Variants in N4BP2L2 observed in about 807,000 individuals in gnomAD.
N4BP2L2 encodes NEDD4-binding protein 2-like 2.
N4BP2L2 carries 50 observed loss-of-function variants against 56.2 expected under a neutral mutation model. That is an observed-to-expected ratio of 0.89 (90% CI 0.71 to 1.13). The LOEUF (loss-of-function observed/expected upper bound fraction) is 1.13, where lower values mean the gene tolerates loss of function less well. N4BP2L2 is among the 50% of genes most tolerant of loss of function. N4BP2L2 has a pLI of 0.00. For missense variants in N4BP2L2, 689 were observed against 693.8 expected (o/e 0.99, Z 0.08); for synonymous variants, 203 against 223.6 (o/e 0.91, Z 0.82).
At chr13:32,493,326 G>A (rs566124991) in intron 6 of N4BP2L2, among the ~76,000 whole-genome samples, 1 of 151,962 alleles carries the variant, frequency 6.6e-6, no homozygotes, top group East Asian at 1.9e-4. Context: ...ATCTATTTGT[G>A]TATCATTATG....
At chr13:32,438,079 T>C (rs115864047) in intron 8 of N4BP2L2, among the ~76,000 whole-genome samples, 133 of 152,380 alleles carry the variant, frequency 8.7e-4, no homozygotes, top group African/African-American at 3.1e-3. Context: ...CAAATCATGG[T>C]AATCAGCATA....
At chr13:32,487,497 G>GA (rs975318574) in intron 6 of N4BP2L2, among the ~76,000 whole-genome samples, 60 of 148,560 alleles carry the variant, frequency 4.0e-4, no homozygotes, top group African/African-American at 1.4e-3. Context: ...AAAAAGAAAA[G>GA]AAAAAAAAGT....
At chr13:32,466,695 TGACTTCCTTTAG>T (rs1319162391) in intron 6 of N4BP2L2, among the ~76,000 whole-genome samples, 1 of 152,192 alleles carries the variant, frequency 6.6e-6, no homozygotes, top group African/African-American at 2.4e-5. Context: ...CTCAAGATAG[TGACTTCCTTTAG>T]GAAAAAAGGA....
chr13:32,441,939 G>C (rs983928722), intron 7 of N4BP2L2, among the ~76,000 whole-genome samples: 3 of 151,666 alleles, frequency 2.0e-5, no homozygotes, highest in Admixed American at 2.0e-4. Context: ...AGCCGGGCGT[G>C]GTGGCGGGCG....
chr13:32,517,338 A>G, exon 6 of N4BP2L2: 1 of 986,526 alleles, frequency 1.0e-6, no homozygotes, highest in African/African-American at 1.7e-5. Flanking sequence ...CAGCTGAAAT[A>G]TAATTTTACC....
exon 6 of N4BP2L2, chr13:32,517,647 C>T: frequency 1.4e-6 from 2 of 1,409,914 alleles, no homozygotes; most frequent in African/African-American, 1.4e-5. Flanking sequence ...TTTATTTACA[C>T]TTTAACAACT....
chr13:32,526,169 T>C (rs1351824082), intron 3 of N4BP2L2, among the ~76,000 whole-genome samples: 1 of 152,224 alleles, frequency 6.6e-6, no homozygotes, highest in African/African-American at 2.4e-5. Flanking sequence ...TGTGGAACTT[T>C]CTACAGGACA....
At chr13:32,469,449 C>T (rs2081888623) in intron 6 of N4BP2L2, among the ~76,000 whole-genome samples, 1 of 152,108 alleles carries the variant, frequency 6.6e-6, no homozygotes, top group Non-Finnish European at 1.5e-5. Flanking sequence ...ATGAGCAGGA[C>T]ATGCATGCCC....
intron 2 of N4BP2L2, among the ~76,000 whole-genome samples, chr13:32,534,437 C>G (rs2055958773): frequency 6.6e-6 from 1 of 152,104 alleles, no homozygotes; most frequent in Non-Finnish European, 1.5e-5. Context: ...TATCCAGTTT[C>G]CAAATTTCAG....
chr13:32,532,446 GC>G (rs1566189215), intron 2 of N4BP2L2, among the ~76,000 whole-genome samples: 1 of 151,842 alleles, frequency 6.6e-6, no homozygotes, highest in Non-Finnish European at 1.5e-5. Context: ...TAAGATAGGG[GC>G]TTTAAATATT....
At chr13:32,476,247 T>C (rs2083298332) in intron 6 of N4BP2L2, among the ~76,000 whole-genome samples, 1 of 152,180 alleles carries the variant, frequency 6.6e-6, no homozygotes. Flanking sequence ...TTTTGTAAAC[T>C]TAGGGCTTTT....
exon 7 of N4BP2L2, chr13:32,442,649 G>T (rs772369542): frequency 1.7e-5 from 27 of 1,613,746 alleles, no homozygotes; most frequent in Non-Finnish European, 2.2e-5. Context: ...GCATCATTTA[G>T]TTTATTACCT....
Position 32,519,236 on chromosome 13 carries a change from G to A in N4BP2L2, c.1551-1233C>T, listed in dbSNP as rs540212279. Among the ~76,000 whole-genome samples the A allele has an allele frequency of 1.9e-4, 27 of 145,024 alleles. No homozygotes were observed. The South Asian group carries it at 4.5e-3, about 24-fold the overall frequency. ...CCAGTGTAGGCAATATGGCAAAACC[G>A]TCTCTACCAAAAAAAAAAAAAAAAA... is the stretch of plus-strand genomic sequence containing the variant. On this transcript the variant is annotated intron_variant, in intron 5 of 5. Transcript: ENST00000267068.
intron 9 of N4BP2L2, among the ~76,000 whole-genome samples, chr13:32,435,394 T>C (rs572831380): frequency 2.8e-4 from 42 of 152,222 alleles, no homozygotes; most frequent in African/African-American, 9.6e-4. Flanking sequence ...CCACCACACC[T>C]GGCTAATTTT....
intron 6 of N4BP2L2, among the ~76,000 whole-genome samples, chr13:32,493,932 G>A (rs2087811200): frequency 1.3e-5 from 2 of 152,170 alleles, no homozygotes; most frequent in Non-Finnish European, 2.9e-5. Context: ...CTGACTGTAA[G>A]CGGTAAGTTA....
Position 32,521,717 on chromosome 13 carries a change from T to C in N4BP2L2, c.1474-268A>G, listed in dbSNP as rs2050984886. The C allele has an allele frequency of 9.0e-6, 3 of 331,752 alleles. No homozygotes were observed. In the South Asian group the frequency reaches 1.4e-4, roughly 15 times the overall value. The allele number at this position is 331,752 out of a possible 1,614,324, so 20.6% of individuals were successfully genotyped here. A position where few individuals can be genotyped will look rare whatever the true frequency, so the allele number is the denominator to read the frequency against. On this transcript the variant is annotated intron_variant, in intron 4 of 5. Transcript: ENST00000267068. ...GAGGCTGGGCGTGGTGGCTCATGCCTGTAATCCCAGCACTTTGGGAGGCTG... is the reference window on the plus strand; with the variant it reads ...GAGGCTGGGCGTGGTGGCTCATGCCCGTAATCCCAGCACTTTGGGAGGCTG...
chr13:32,515,519 C>T (rs1218047965), exon 6 of N4BP2L2: 1 of 152,044 alleles, frequency 6.6e-6, no homozygotes, highest in Non-Finnish European at 1.5e-5. Flanking sequence ...TGTGATGCAA[C>T]AGTAGTTGGC....
chr13:32,521,853 A>G (rs1437001585), intron 4 of N4BP2L2: 1 of 295,404 alleles, frequency 3.4e-6, no homozygotes, highest in African/African-American at 2.3e-5. Context: ...GCAGGCACCT[A>G]TAATCTCAGC....
chr13:32,437,977 T>A (rs1290982757), intron 8 of N4BP2L2, among the ~76,000 whole-genome samples: 1 of 152,266 alleles, frequency 6.6e-6, no homozygotes, highest in African/African-American at 2.4e-5. Flanking sequence ...TTTTATTTTT[T>A]ATTCCATAAT....
Sources: gnomAD v4.1 joint callset for allele counts (sites outside exome capture counted in the v4.1 genomes callset) on GRCh38, gnomAD v4.1.1 for gene constraint, MANE v1.5 for transcripts, NCBI Gene and HGNC (gene_info 2026-07-23, HGNC 2026-07-21) for gene names.